The following PCSK6 variants were observed in gnomAD, a reference collection of about 807,000 sequenced individuals.
The protein encoded by PCSK6 is proprotein convertase subtilisin/kexin type 6, also known as paired basic amino acid cleaving enzyme 4.
In PCSK6, 85 loss-of-function variants were observed where a neutral mutation model predicts 123.3. That is an observed-to-expected ratio of 0.69 (90% CI 0.58 to 0.83). The LOEUF is 0.83. PCSK6 is among the 40% of genes least tolerant of loss of function. The pLI is 0.00. For missense variants in PCSK6, 1,191 were observed against 1,282.3 expected (o/e 0.93, Z 1.09); for synonymous variants, 508 against 516.0 (o/e 0.98, Z 0.21).
At chr15:101,388,909 G>A (rs1429419108) in intron 9 of PCSK6, among the ~76,000 whole-genome samples, 1 of 152,128 alleles carries the variant, frequency 6.6e-6, no homozygotes, top group African/African-American at 2.4e-5. Context: ...GGGTCAATGG[G>A]GAGTGTTATA....
intron 1 of PCSK6, among the ~76,000 whole-genome samples, chr15:101,482,554 A>G (rs1272803993): frequency 6.6e-6 from 1 of 152,156 alleles, no homozygotes; most frequent in African/African-American, 2.4e-5. Context: ...AAAGCTCAGG[A>G]CGTTCCCAGC....
chr15:101,401,048 C>T (rs1458327662), intron 6 of PCSK6, among the ~76,000 whole-genome samples: 3 of 152,222 alleles, frequency 2.0e-5, no homozygotes, highest in Non-Finnish European at 4.4e-5. Flanking sequence ...CACTCTAGGG[C>T]TCGGCATGTT....
At chr15:101,422,781 C>T (rs1230990671) in intron 6 of PCSK6, among the ~76,000 whole-genome samples, 1 of 152,148 alleles carries the variant, frequency 6.6e-6, no homozygotes, top group Non-Finnish European at 1.5e-5. Flanking sequence ...GCCACCGCGC[C>T]CGGCTAATTT....
chr15:101,422,656 T>C (rs35318748), intron 6 of PCSK6, among the ~76,000 whole-genome samples: 13,918 of 151,952 alleles, frequency 0.092, 843 homozygotes, highest in South Asian at 0.17. Context: ...AGTCTCGCTC[T>C]GTCGCCCAGG....
intron 13 of PCSK6, among the ~76,000 whole-genome samples, chr15:101,357,392 C>G (rs73493398): frequency 3.3e-5 from 5 of 152,206 alleles, no homozygotes; most frequent in Non-Finnish European, 7.3e-5. Context: ...GCTGACCAGA[C>G]CTGCATTTTC....
In PCSK6 at chr15:101,398,623, C is replaced by T. The variant is rs1310034072; in HGVS notation, c.824-47G>A. The T allele has an allele frequency of 1.3e-6, 2 of 1,579,240 alleles. No homozygotes were observed. The highest frequency in any genetic ancestry group is 1.1e-5 in the South Asian group (1 of 89,076). On this transcript the variant is annotated intron_variant, in intron 6 of 21. Transcript: ENST00000611716. This position sits in a 1 kb window ranked among gnomAD's most constrained non-coding sequence, Gnocchi z 4.6. The stretch of plus-strand genomic sequence containing the variant: ...GGTGTCGGCGCCCAGGCTCCGGGCA[C>T]ACAGCGACGGGAACCCGGGCCCAGG...
chr15:101,489,237 C>T (rs2058100787), intron 1 of PCSK6, 137 bp downstream of exon 1: 3 of 462,010 alleles, frequency 6.5e-6, no homozygotes, highest in Non-Finnish European at 8.4e-6. Context: ...GGCCGCCCGC[C>T]GTCCCCAAGC....
chr15:101,479,266 A>T (rs1359873715), intron 1 of PCSK6, among the ~76,000 whole-genome samples: 1 of 152,254 alleles, frequency 6.6e-6, no homozygotes, highest in Non-Finnish European at 1.5e-5. Context: ...GGTTAAAACG[A>T]CAGCAACAGA....
chr15:101,409,701 G>C (rs1423295903), intron 6 of PCSK6, among the ~76,000 whole-genome samples: 1 of 152,094 alleles, frequency 6.6e-6, no homozygotes, highest in Non-Finnish European at 1.5e-5. Flanking sequence ...TGAGGAACTT[G>C]CTAAAGGGTA....
chr15:101,359,902 C>T (rs889962881), intron 13 of PCSK6, among the ~76,000 whole-genome samples: 1 of 152,202 alleles, frequency 6.6e-6, no homozygotes, highest in Non-Finnish European at 1.5e-5. Context: ...TTCCCTCTCA[C>T]CTCCAGGTAC....
At position 101,305,156 on chromosome 15, in the gene PCSK6, T is replaced by C. The variant is rs1044120127; in HGVS notation, c.*102A>G. 17 of 952,246 alleles carry C rather than the reference T, an allele frequency of 1.8e-5. 1 individual carries two copies. The African/African-American group carries it at 2.3e-4, about 13-fold the overall frequency. The allele number at this position is 952,246 out of a possible 1,614,324, so 59.0% of individuals were successfully genotyped here. ...CTCCTGGGGAGATAAAGCTGTCAGG[T>C]GCAGGGCGCCGCTCCTGAAACAGAC... On this transcript the variant is annotated 3_prime_UTR_variant, in exon 22 of 22. Transcript: ENST00000611716. This position sits in a 1 kb window ranked among gnomAD's most constrained non-coding sequence, Gnocchi z 4.8.
At chr15:101,408,061 C>T (rs939759244) in intron 6 of PCSK6, among the ~76,000 whole-genome samples, 12 of 152,164 alleles carry the variant, frequency 7.9e-5, no homozygotes, top group Admixed American at 2.0e-4. Flanking sequence ...CCCAGGCACA[C>T]ACAGGAAGCC....
chr15:101,359,968 C>G (rs2041162874), intron 13 of PCSK6, among the ~76,000 whole-genome samples: 1 of 152,158 alleles, frequency 6.6e-6, no homozygotes, highest in African/African-American at 2.4e-5. Flanking sequence ...CAAATCCAAG[C>G]TCCTGATCTT....
intron 13 of PCSK6, among the ~76,000 whole-genome samples, chr15:101,355,345 T>C (rs1038334702): frequency 2.0e-5 from 3 of 152,236 alleles, no homozygotes; most frequent in African/African-American, 7.2e-5. Flanking sequence ...TTGGAAAGCA[T>C]GCCTGATTAT....
intron 1 of PCSK6, among the ~76,000 whole-genome samples, chr15:101,454,040 C>T (rs898740176): frequency 6.6e-6 from 1 of 152,162 alleles, no homozygotes; most frequent in African/African-American, 2.4e-5. Context: ...CCTGGACTCC[C>T]CAGAAAGAAG....
chr15:101,426,405 C>A (rs1343417138), intron 6 of PCSK6, among the ~76,000 whole-genome samples: 2 of 152,216 alleles, frequency 1.3e-5, no homozygotes, highest in African/African-American at 4.8e-5. Context: ...TTCTACAGAT[C>A]CTGGAGAGAC....
At position 101,377,843 on chromosome 15, in the gene PCSK6, C is replaced by T. The variant is rs946448610; in HGVS notation, c.1532+4249G>A. Among the ~76,000 whole-genome samples, 4 of 152,142 alleles carry T rather than the reference C, an allele frequency of 2.6e-5. No individual in the cohort carries two copies. The South Asian group carries it at 8.3e-4, about 32-fold the overall frequency. ...GTGGGTTGTGGGTGTGTGAAGAGTTCATTAAAAGACAGGCCAAGCTAAACT... is the reference window on the plus strand; with the variant it reads ...GTGGGTTGTGGGTGTGTGAAGAGTTTATTAAAAGACAGGCCAAGCTAAACT... On this transcript the variant is annotated intron_variant, in intron 11 of 21. Coordinates refer to ENST00000611716, the MANE Select transcript of PCSK6 (RefSeq NM_002570.5).
chr15:101,460,826 TA>T lies in PCSK6; in HGVS notation c.298-17167del, dbSNP rs532267001. On this transcript the variant is annotated intron_variant, in intron 1 of 21. Coordinates refer to ENST00000611716, the MANE Select transcript of PCSK6 (RefSeq NM_002570.5). ...GTAAAAGAAAACATCATAATTGGGA[TA>T]AAAAAATACTTAGAATGGAATGATA... is the stretch of plus-strand genomic sequence containing the variant. Among the ~76,000 whole-genome samples the T allele has an allele frequency of 3.0e-4, 45 of 152,104 alleles. No homozygotes were observed. The South Asian group carries it at 8.9e-3, about 30-fold the overall frequency.
At chr15:101,447,078 CGT>C (rs1450115332) in intron 1 of PCSK6, among the ~76,000 whole-genome samples, 1 of 151,994 alleles carries the variant, frequency 6.6e-6, no homozygotes, top group African/African-American at 2.4e-5. Flanking sequence ...GATGATGCTG[CGT>C]TTATGATACA....
Sources: gnomAD v4.1 joint callset for allele counts (sites outside exome capture counted in the v4.1 genomes callset) on GRCh38, gnomAD v4.1.1 for gene constraint, Gnocchi (gnomAD v3.1) non-coding constraint, MANE v1.5 for transcripts, NCBI Gene and HGNC (gene_info 2026-07-23, HGNC 2026-07-21) for gene names.